Variants in DACH2 observed in about 807,000 individuals in gnomAD.
DACH2 encodes dachshund family transcription factor 2, also known as dachshund homolog 2.
In DACH2, 17 loss-of-function variants were observed where a neutral mutation model predicts 35.8. The ratio of observed to expected loss-of-function variants is 0.48; its 90% CI spans 0.33 to 0.71. The LOEUF (loss-of-function observed/expected upper bound fraction) is 0.71, where lower values mean the gene tolerates loss of function less well. DACH2 is among the 30% of genes least tolerant of loss of function. DACH2 has a pLI of 0.02. For missense variants in DACH2, 469 were observed against 472.7 expected (o/e 0.99, Z 0.07); for synonymous variants, 195 against 177.3 (o/e 1.10, Z -0.79).
intron 1 of DACH2, among the ~76,000 whole-genome samples, chrX:86,179,988 A>G (rs1034335829): frequency 1.9e-5 from 2 of 107,712 alleles, no homozygotes; most frequent in African/African-American, 6.7e-5. Context: ...TCTTGCCTTG[A>G]TTTTGTGCTT....
At chrX:86,706,696 G>A (rs1007536810) in intron 5 of DACH2, among the ~76,000 whole-genome samples, 2 of 109,692 alleles carry the variant, frequency 1.8e-5, no homozygotes, top group Non-Finnish European at 3.8e-5. Context: ...AAAGACAGCT[G>A]TAAAGTCAAA....
At chrX:86,761,419 A>G (rs1471941129) in intron 7 of DACH2, among the ~76,000 whole-genome samples, 1 of 111,966 alleles carries the variant, frequency 8.9e-6, no homozygotes, top group Non-Finnish European at 1.9e-5. Flanking sequence ...AAGGATTCAG[A>G]GAAATAGGGA....
intron 11 of DACH2, among the ~76,000 whole-genome samples, chrX:86,818,555 A>G (rs1224752293): frequency 9.0e-6 from 1 of 111,360 alleles, no homozygotes; most frequent in East Asian, 2.8e-4. Flanking sequence ...AATAATTTTG[A>G]TTTTGTAAGT....
chrX:86,799,859 G>A (rs1336339608), intron 7 of DACH2, among the ~76,000 whole-genome samples: 2 of 111,291 alleles, frequency 1.8e-5, no homozygotes, highest in African/African-American at 6.5e-5. Context: ...TTCAGATGTA[G>A]CTCATCTTTT....
intron 2 of DACH2, among the ~76,000 whole-genome samples, chrX:86,483,383 T>C (rs747848869): frequency 1.8e-5 from 2 of 111,780 alleles, no homozygotes; most frequent in East Asian, 5.6e-4. Flanking sequence ...TTTTATTATA[T>C]GTGGTGTCTT....
intron 1 of DACH2, among the ~76,000 whole-genome samples, chrX:86,185,071 C>T (rs773542673): frequency 9.0e-6 from 1 of 111,478 alleles, no homozygotes; most frequent in South Asian, 3.7e-4. Context: ...GCATCACTTT[C>T]TTAAAATTCC....
chrX:86,632,427 C>A (rs2040212221), intron 3 of DACH2, among the ~76,000 whole-genome samples: 1 of 109,877 alleles, frequency 9.1e-6, no homozygotes. Flanking sequence ...TTAAGAACTT[C>A]TCTCAACATT....
intron 3 of DACH2, among the ~76,000 whole-genome samples, chrX:86,543,935 T>C (rs1054522182): frequency 6.4e-5 from 7 of 108,669 alleles, no homozygotes; most frequent in Admixed American, 4.9e-4. Flanking sequence ...TGTATACATA[T>C]GTAACTAACC....
chrX:86,377,833 A>C (rs1194896515), intron 2 of DACH2, among the ~76,000 whole-genome samples: 1 of 110,449 alleles, frequency 9.1e-6, no homozygotes, highest in African/African-American at 3.3e-5. Flanking sequence ...TGGTGTTTCT[A>C]GTATCTGTGA....
chrX:86,760,565 A>G (rs2041870365), intron 7 of DACH2, among the ~76,000 whole-genome samples: 1 of 111,529 alleles, frequency 9.0e-6, no homozygotes, highest in South Asian at 3.7e-4. Flanking sequence ...TTTTTTAATC[A>G]TGTCTATATT....
Position 86,653,243 on chromosome X carries a change from G to T in DACH2, c.772+2076G>T, listed in dbSNP as rs779096837. On this transcript the variant is annotated intron_variant, in intron 4 of 11. Transcript: ENST00000373125. ...TTTATTAAAGATCAGATGGTTGCAG[G>T]TCTGTGACTTTATTTCTGGGTTAGC... Among the ~76,000 whole-genome samples, 8 of 112,036 alleles carry T rather than the reference G, an allele frequency of 7.1e-5. No individual in the cohort carries two copies. In the South Asian group the frequency reaches 3.0e-3, roughly 41 times the overall value.
At chrX:86,399,483 T>C (rs779180618) in intron 2 of DACH2, among the ~76,000 whole-genome samples, 8 of 112,046 alleles carry the variant, frequency 7.1e-5, no homozygotes, top group African/African-American at 2.3e-4. Context: ...GCCTTGATGG[T>C]CTTTACAATT....
At chrX:86,440,393 C>T (rs906930186) in intron 2 of DACH2, among the ~76,000 whole-genome samples, 1 of 111,613 alleles carries the variant, frequency 9.0e-6, no homozygotes, top group Admixed American at 9.6e-5. Context: ...AATTTCCTTA[C>T]ACTGAAGTCT....
In DACH2 at chrX:86,691,657, A is replaced by G. The variant is rs759367893; in HGVS notation, c.773-3364A>G. On this transcript the variant is annotated intron_variant, in intron 4 of 11. Transcript: ENST00000373125. The stretch of plus-strand genomic sequence containing the variant: ...AAGAGCATGTGAGGACATAGGGGAA[A>G]ACACAGTCATCTGCAAACCATAGAG... 7.2e-5 allele frequency among the ~76,000 whole-genome samples: 8 copies of G among 111,439 alleles called. No homozygotes were observed. The South Asian group carries it at 3.0e-3, about 42-fold the overall frequency.
intron 6 of DACH2, among the ~76,000 whole-genome samples, chrX:86,732,968 A>G (rs2041548223): frequency 9.0e-6 from 1 of 111,379 alleles, no homozygotes; most frequent in African/African-American, 3.3e-5. Context: ...CCTTGATTTG[A>G]TACCCCAGAA....
At chrX:86,480,956 G>A (rs1270219886) in intron 2 of DACH2, 3 of 111,794 alleles carry the variant, frequency 2.7e-5, no homozygotes, top group African/African-American at 9.7e-5. Flanking sequence ...CATAAACATG[G>A]GAGATATTCT....
At chrX:86,800,234 A>G (rs1162265158) in intron 7 of DACH2, among the ~76,000 whole-genome samples, 1 of 112,262 alleles carries the variant, frequency 8.9e-6, no homozygotes, top group Non-Finnish European at 1.9e-5. Flanking sequence ...AATTTATAGC[A>G]CTTTGATTTA....
intron 3 of DACH2, among the ~76,000 whole-genome samples, chrX:86,589,407 T>C (rs1331344536): frequency 9.0e-6 from 1 of 111,581 alleles, no homozygotes; most frequent in Non-Finnish European, 1.9e-5. Flanking sequence ...ATTTTTTAGA[T>C]ACATTTTAAG....
chrX:86,445,038 C>T (rs1458219968), intron 2 of DACH2, among the ~76,000 whole-genome samples: 1 of 111,043 alleles, frequency 9.0e-6, no homozygotes, highest in Non-Finnish European at 1.9e-5. Context: ...GACTTTCCCA[C>T]TGTTCTCAAT....
Sources: gnomAD v4.1 joint callset for allele counts (sites outside exome capture counted in the v4.1 genomes callset) on GRCh38, gnomAD v4.1.1 for gene constraint, MANE v1.5 for transcripts, NCBI Gene and HGNC (gene_info 2026-07-23, HGNC 2026-07-21) for gene names.